The following RGS7 variants were observed in gnomAD, a reference collection of about 807,000 sequenced individuals.
The protein encoded by RGS7 is regulator of G-protein signaling 7.
Under a neutral mutation model 81.1 loss-of-function variants are expected in RGS7, and 27 were observed. The observed-to-expected ratio is 0.33, with a 90% confidence interval of 0.25 to 0.46. The LOEUF (loss-of-function observed/expected upper bound fraction) is 0.46, where lower values mean the gene tolerates loss of function less well. Ranked by LOEUF, RGS7 falls within the 20% of genes least tolerant of loss-of-function variation. The probability of loss-of-function intolerance (pLI) is 1.00; values close to 1 mark genes in which losing one functional copy is unlikely to be tolerated. For missense variants in RGS7, 396 were observed against 607.4 expected, an observed-to-expected ratio of 0.65 and a Z score of 3.66; for synonymous variants, 208 against 207.7, an observed-to-expected ratio of 1.00 and a Z score of -0.01.
intron 6 of RGS7, among the ~76,000 whole-genome samples, chr1:240,895,302 G>A (rs2995382): frequency 0.57 from 86,000 of 150,594 alleles, 25,000 homozygotes; most frequent in African/African-American, 0.71. Flanking sequence ...TTTCTTTTTA[G>A]TTATACTTTA....
intron 2 of RGS7, among the ~76,000 whole-genome samples, chr1:241,174,541 A>C (rs1393086251): frequency 1.3e-5 from 2 of 152,230 alleles, no homozygotes; most frequent in Admixed American, 1.3e-4. Flanking sequence ...CAACTCAATC[A>C]TTCTGTTTGC....
At chr1:241,056,181 G>A (rs1259147359) in intron 3 of RGS7, among the ~76,000 whole-genome samples, 1 of 152,036 alleles carries the variant, frequency 6.6e-6, no homozygotes, top group East Asian at 1.9e-4. Flanking sequence ...CCCTGCCTCA[G>A]GACCTTTGCA....
chr1:240,882,312 G>T (rs377116), intron 6 of RGS7, among the ~76,000 whole-genome samples: 71,171 of 151,904 alleles, frequency 0.47, 16,901 homozygotes, highest in East Asian at 0.53. Context: ...ACTATTAATA[G>T]GAAAAGAATT....
At chr1:241,268,499 G>A (rs749765563) in intron 2 of RGS7, among the ~76,000 whole-genome samples, 8 of 152,176 alleles carry the variant, frequency 5.3e-5, no homozygotes, top group East Asian at 1.9e-4. Flanking sequence ...CTACTGCCCT[G>A]CAGGGTGCTT....
chr1:241,080,424 C>T (rs1328542526), intron 3 of RGS7, among the ~76,000 whole-genome samples: 1 of 151,822 alleles, frequency 6.6e-6, no homozygotes, highest in Non-Finnish European at 1.5e-5. Flanking sequence ...AAACCTATGC[C>T]GATACTATAG....
chr1:241,273,175 A>AC (rs56000973), intron 2 of RGS7, among the ~76,000 whole-genome samples: 27,520 of 104,454 alleles, frequency 0.26, 3,301 homozygotes, highest in East Asian at 0.4. Flanking sequence ...ATAATAATGA[A>AC]CCCCCCCCCC....
intron 3 of RGS7, among the ~76,000 whole-genome samples, chr1:241,006,811 T>A (rs2058706249): frequency 6.6e-6 from 1 of 152,180 alleles, no homozygotes; most frequent in Non-Finnish European, 1.5e-5. Context: ...CAACCCCTCC[T>A]CTTCATCCTC....
chr1:241,108,251 C>T (rs144843645), intron 2 of RGS7, among the ~76,000 whole-genome samples: 323 of 143,338 alleles, frequency 2.3e-3, no homozygotes, highest in African/African-American at 8.0e-3. Flanking sequence ...TGCAGTGAGC[C>T]GAGAACACAC....
intron 4 of RGS7, among the ~76,000 whole-genome samples, chr1:240,955,739 G>A (rs1394466808): frequency 6.6e-6 from 1 of 152,076 alleles, no homozygotes; most frequent in Admixed American, 6.5e-5. Flanking sequence ...AGACAAAGGA[G>A]CAGAAACAAT....
chr1:241,178,858 G>A (rs969151809), intron 2 of RGS7, among the ~76,000 whole-genome samples: 1 of 152,150 alleles, frequency 6.6e-6, no homozygotes, highest in Non-Finnish European at 1.5e-5. Flanking sequence ...TATAACTTGT[G>A]CATCAGTTAT....
At chr1:241,013,843 C>A (rs1433095277) in intron 3 of RGS7, among the ~76,000 whole-genome samples, 1 of 152,242 alleles carries the variant, frequency 6.6e-6, no homozygotes, top group African/African-American at 2.4e-5. Flanking sequence ...TCCACCATAT[C>A]ATGTTCGTAA....
intron 18 of RGS7, among the ~76,000 whole-genome samples, chr1:240,793,118 C>T (rs956789409): frequency 1.3e-5 from 2 of 152,162 alleles, no homozygotes; most frequent in African/African-American, 4.8e-5. Context: ...ACATTTCCCA[C>T]TGTGGGGAGT....
chr1:240,991,071 T>C (rs550748760), intron 3 of RGS7, among the ~76,000 whole-genome samples: 4 of 152,322 alleles, frequency 2.6e-5, no homozygotes, highest in African/African-American at 9.6e-5. Context: ...TTACTACTAC[T>C]GTGTTCTGAG....
At chr1:241,029,636 G>A (rs1422337848) in intron 3 of RGS7, among the ~76,000 whole-genome samples, 1 of 152,128 alleles carries the variant, frequency 6.6e-6, no homozygotes, top group Non-Finnish European at 1.5e-5. Flanking sequence ...GCATCCCAGG[G>A]TCTTATTTAC....
chr1:241,015,558 C>G (rs1258585443), intron 3 of RGS7, among the ~76,000 whole-genome samples: 1 of 152,126 alleles, frequency 6.6e-6, no homozygotes, highest in Admixed American at 6.5e-5. Flanking sequence ...TTTGCTCCCC[C>G]AAAAGTTTAC....
At chr1:241,203,302 G>A (rs927040274) in intron 2 of RGS7, among the ~76,000 whole-genome samples, 15 of 151,866 alleles carry the variant, frequency 9.9e-5, no homozygotes, top group East Asian at 3.9e-4. Context: ...GCGTGATCTC[G>A]GCTCACTGCA....
chr1:241,047,179 G>A (rs940176445), intron 3 of RGS7, among the ~76,000 whole-genome samples: 4 of 152,128 alleles, frequency 2.6e-5, no homozygotes, highest in Admixed American at 2.0e-4. Flanking sequence ...CTGAATCCAC[G>A]TATCTCCGTA....
chr1:240,933,445 T>C (rs1198226016), intron 5 of RGS7, among the ~76,000 whole-genome samples: 2 of 152,060 alleles, frequency 1.3e-5, no homozygotes, highest in East Asian at 1.9e-4. Flanking sequence ...AATTAAAGCA[T>C]AAAGTAATTT....
At chr1:241,155,725 G>GA (rs891009179) in intron 2 of RGS7, among the ~76,000 whole-genome samples, 11 of 148,230 alleles carry the variant, frequency 7.4e-5, no homozygotes, top group Admixed American at 2.0e-4. Flanking sequence ...GTAGACTTTA[G>GA]AAAAAAAAAA....
Sources: allele counts gnomAD v4.1 joint callset (sites outside exome capture counted in the v4.1 genomes callset), GRCh38; gene constraint gnomAD v4.1.1; transcripts MANE v1.5; gene names NCBI Gene and HGNC (gene_info 2026-07-23, HGNC 2026-07-21).